The following MEGF11 variants were observed in gnomAD, a reference collection of about 807,000 sequenced individuals.
MEGF11 encodes multiple epidermal growth factor-like domains protein 11.
In MEGF11, 126 loss-of-function variants were observed where a neutral mutation model predicts 146.6. The observed-to-expected ratio is 0.86, with a 90% confidence interval of 0.74 to 1.00. The LOEUF is 1.00. Among genes scored for constraint, MEGF11 ranks in the 50% least tolerant of loss-of-function variants. MEGF11 has a pLI of 0.00. For missense variants in MEGF11, 1,509 were observed against 1,521.2 expected (o/e 0.99, Z 0.13); for synonymous variants, 532 against 583.4 (o/e 0.91, Z 1.27).
intron 5 of MEGF11, among the ~76,000 whole-genome samples, chr15:65,994,356 C>T (rs1047859989): frequency 3.9e-5 from 6 of 152,258 alleles, no homozygotes; most frequent in Admixed American, 3.3e-4. Context: ...GTGGGCCACA[C>T]CCCCACTAAG....
chr15:65,927,885 C>T (rs2079428720), intron 13 of MEGF11, among the ~76,000 whole-genome samples: 1 of 152,200 alleles, frequency 6.6e-6, no homozygotes, highest in Admixed American at 6.5e-5. Context: ...CTGAGGCATT[C>T]TGAACAGGGA....
intron 1 of MEGF11, among the ~76,000 whole-genome samples, chr15:66,195,128 T>C (rs1392463441): frequency 6.6e-6 from 1 of 152,208 alleles, no homozygotes; most frequent in East Asian, 1.9e-4. Context: ...CCTTGGCTTG[T>C]AGATCCCATC....
chr15:66,097,441 C>T (rs546696919), intron 4 of MEGF11, among the ~76,000 whole-genome samples: 3 of 152,312 alleles, frequency 2.0e-5, no homozygotes, highest in East Asian at 1.9e-4. Flanking sequence ...ACCACAGACC[C>T]CCATGCCAGT....
intron 5 of MEGF11, among the ~76,000 whole-genome samples, chr15:66,084,087 AGT>A (rs1285018205): frequency 6.6e-6 from 1 of 152,182 alleles, no homozygotes; most frequent in Admixed American, 6.5e-5. Context: ...AACATCATAG[AGT>A]GTACTTGCAC....
intron 1 of MEGF11, among the ~76,000 whole-genome samples, chr15:66,179,571 C>T (rs752292848): frequency 6.6e-6 from 1 of 152,166 alleles, no homozygotes; most frequent in Non-Finnish European, 1.5e-5. Context: ...TGCACCACGT[C>T]CCTGAGCCTG....
At chr15:66,213,529 T>A (rs1452640218) in intron 1 of MEGF11, among the ~76,000 whole-genome samples, 1 of 152,110 alleles carries the variant, frequency 6.6e-6, no homozygotes, top group African/African-American at 2.4e-5. Flanking sequence ...TAGGCACTCC[T>A]GCTTTGTGCT....
At chr15:66,058,819 G>A (rs138318292) in intron 5 of MEGF11, among the ~76,000 whole-genome samples, 5 of 152,252 alleles carry the variant, frequency 3.3e-5, no homozygotes, top group Non-Finnish European at 5.9e-5. Flanking sequence ...TTATTTAGCT[G>A]ATACACTTTG....
chr15:66,235,572 T>C (rs568239032), intron 1 of MEGF11, among the ~76,000 whole-genome samples: 1 of 151,686 alleles, frequency 6.6e-6, no homozygotes, highest in East Asian at 1.9e-4. Flanking sequence ...AGAAACTGAC[T>C]ACCTACCCAG....
At chr15:66,106,257 G>A (rs1352836934) in intron 4 of MEGF11, among the ~76,000 whole-genome samples, 1 of 152,220 alleles carries the variant, frequency 6.6e-6, no homozygotes, top group Non-Finnish European at 1.5e-5. Context: ...GAACATGCCA[G>A]CGTGCAGTTA....
intron 5 of MEGF11, among the ~76,000 whole-genome samples, chr15:66,078,178 C>T (rs1296880903): frequency 1.3e-5 from 2 of 152,168 alleles, no homozygotes; most frequent in African/African-American, 4.8e-5. Flanking sequence ...GAGCCCATTT[C>T]CTCCTCTGAG....
At chr15:66,251,307 T>C (rs2092367106) in intron 1 of MEGF11, among the ~76,000 whole-genome samples, 1 of 152,228 alleles carries the variant, frequency 6.6e-6, no homozygotes, top group Non-Finnish European at 1.5e-5. Context: ...CAGCTCCTAA[T>C]CTTGCCTTCT....
chr15:66,230,770 A>ACCCC (rs2091952098), intron 1 of MEGF11, among the ~76,000 whole-genome samples: 1 of 152,198 alleles, frequency 6.6e-6, no homozygotes, highest in South Asian at 2.1e-4. Flanking sequence ...GGGTCTCCAA[A>ACCCC]ATTTTTCATT....
chr15:66,216,633 T>C (rs1299060642), intron 1 of MEGF11, among the ~76,000 whole-genome samples: 1 of 152,196 alleles, frequency 6.6e-6, no homozygotes, highest in African/African-American at 2.4e-5. Context: ...AGGCAAGTCC[T>C]AGTGCTGCCC....
chr15:66,180,062 GGAGA>G (rs940456346), intron 1 of MEGF11, among the ~76,000 whole-genome samples: 2 of 152,132 alleles, frequency 1.3e-5, no homozygotes, highest in Non-Finnish European at 2.9e-5. Flanking sequence ...GAACAAAAAA[GGAGA>G]GAGTTCTGAC....
At chr15:66,128,583 A>C (rs1385070442) in intron 1 of MEGF11, 172 bp from the exon 2 acceptor site, 1 of 422,092 alleles carries the variant, frequency 2.4e-6, no homozygotes, top group Non-Finnish European at 4.1e-6. Context: ...AGCCTGAGTC[A>C]GGAAAAAGTC....
chr15:65,952,997 C>T (rs981188575), intron 10 of MEGF11, among the ~76,000 whole-genome samples: 1 of 152,196 alleles, frequency 6.6e-6, no homozygotes, highest in Non-Finnish European at 1.5e-5. Flanking sequence ...TGAGACCGAC[C>T]ATTCAGGGTG....
chr15:66,236,909 C>T lies in MEGF11; in HGVS notation c.-9+16696G>A, dbSNP rs912844105. Among the ~76,000 whole-genome samples the T allele has an allele frequency of 1.4e-4, 22 of 152,288 alleles. 1 individual carries two copies. The highest frequency in any genetic ancestry group is 4.6e-4 in the African/African-American group (19 of 41,546). On this transcript the variant is annotated intron_variant, in intron 1 of 25. Transcript: ENST00000395614. ...CCGGGAAGAACAAGACTGCTGTCCC[C>T]GCCATCTCAATCTTGATATTCACCT... is the stretch of plus-strand genomic sequence containing the variant.
At chr15:66,008,827 G>A (rs376904468) in intron 5 of MEGF11, among the ~76,000 whole-genome samples, 25 of 143,982 alleles carry the variant, frequency 1.7e-4, no homozygotes, top group Admixed American at 1.4e-4. Context: ...CTGTCTCTTA[G>A]AAAAAAAAAA....
At chr15:65,920,658 C>T (rs1238703874) in intron 15 of MEGF11, among the ~76,000 whole-genome samples, 2 of 152,168 alleles carry the variant, frequency 1.3e-5, no homozygotes, top group Non-Finnish European at 2.9e-5. Flanking sequence ...AGAAGGGGGG[C>T]TGGTGAAAAG....
Sources: gnomAD v4.1 joint callset for allele counts (sites outside exome capture counted in the v4.1 genomes callset) on GRCh38, gnomAD v4.1.1 for gene constraint, MANE v1.5 for transcripts, NCBI Gene and HGNC (gene_info 2026-07-23, HGNC 2026-07-21) for gene names.